SPARCL1: variants seen among roughly 807,000 people sequenced by gnomAD.
SPARCL1 encodes SPARC like 1.
SPARCL1 carries 52 observed loss-of-function variants against 67.1 expected under a neutral mutation model. The ratio of observed to expected loss-of-function variants is 0.78; its 90% CI spans 0.62 to 0.98. SPARCL1 has a LOEUF of 0.98. Among genes scored for constraint, SPARCL1 ranks in the 50% least tolerant of loss-of-function variants. The probability of loss-of-function intolerance (pLI) is 0.00; values close to 1 mark genes in which losing one functional copy is unlikely to be tolerated. For missense variants in SPARCL1, 717 were observed against 782.4 expected (o/e 0.92, Z 1.00); for synonymous variants, 226 against 267.8 (o/e 0.84, Z 1.52).
rs376202999 is a variant in SPARCL1, at chr4:87,480,518, G to A, written c.1671C>T (p.Val557=). Residue 557 remains valine, a splice_region_variant and synonymous_variant, in exon 9 of 11, where the codon GTC becomes GTT. Transcript: ENST00000282470. ...GYLNEKQRNK[V]KKIYLDEKRL... ...TCTTTTCATCCAGGTAAATTTTCTT[G>A]ACCTGGGATTAGGAAGGCAGAAGAC... The A allele has an allele frequency of 1.9e-6, 3 of 1,606,378 alleles. No individual in the cohort carries two copies. The highest frequency in any genetic ancestry group is 1.7e-5 in the Admixed American group (1 of 58,716).
chr4:87,491,835 T>C (rs1364774143), intron 4 of SPARCL1, 145 bp from the exon 5 acceptor site: 14 of 650,448 alleles, frequency 2.2e-5, no homozygotes, highest in Non-Finnish European at 3.5e-5. Context: ...CTGGGTGTGG[T>C]GGCTCACATG....
At chr4:87,482,333 A>G in intron 8 of SPARCL1, 91 bp downstream of exon 8, 1 of 1,392,346 alleles carries the variant, frequency 7.2e-7, no homozygotes, top group Non-Finnish European at 9.9e-7. Context: ...GGCTTTTGCC[A>G]GTATGCAGAG....
At position 87,490,848 on chromosome 4, in the gene SPARCL1, C is replaced by T; in HGVS notation, c.1322G>A (p.Gly441Asp). 6 of 1,609,052 alleles carry T rather than the reference C, an allele frequency of 3.7e-6. No homozygotes were observed. The South Asian group carries it at 5.6e-5, about 15-fold the overall frequency. ...CTGTTGGTCTGCCTTACAGATGTGGCCTCTTTTACACTGGAAGCTCATGCA... is the reference window on the plus strand; with the variant it reads ...CTGTTGGTCTGCCTTACAGATGTGGTCTCTTTTACACTGGAAGCTCATGCA... ...DSCMSFQCKR[G>D]HICKADQQGK... Residue 441 changes from glycine (G) to aspartate (D), a missense_variant, in exon 6 of 11, where the codon GGC (glycine) becomes GAC (aspartate). Coordinates refer to ENST00000282470, the MANE Select transcript of SPARCL1 (RefSeq NM_004684.6).
At position 87,494,425 on chromosome 4, in the gene SPARCL1, A is replaced by G; in HGVS notation, c.375T>C (p.Asp125=). 1 of 1,614,110 alleles carries G rather than the reference A, an allele frequency of 6.2e-7. No homozygotes were observed. The highest frequency in any genetic ancestry group is 8.5e-7 in the Non-Finnish European group (1 of 1,180,026). ...PTEGTLDIKE[D]MSEPQEKKLS... is the part of the protein sequence containing the mutation. ...GTTTTTTCTCCTGAGGCTCACTCAT[A>G]TCTTCTTTTATGTCCAATGTACCTT... Residue 125 remains aspartate (D), a synonymous_variant, in exon 4 of 11, where the codon GAT becomes GAC. Coordinates refer to ENST00000282470, the MANE Select transcript of SPARCL1 (RefSeq NM_004684.6).
chr4:87,486,888 C>CTTTTTTTTT lies in SPARCL1; in HGVS notation c.1531+3376_1531+3384dup, dbSNP rs57597004. ...TCTGAGGCTAGTATTGCAATTCCTG[C>CTTTTTTTTT]TTTTTTTTTTTTTTTTTTTTTTTTT... On this transcript the variant is annotated intron_variant, in intron 7 of 10. Transcript: ENST00000282470. Among the ~76,000 whole-genome samples, 8 of 27,996 alleles carry CTTTTTTTTT rather than the reference C, an allele frequency of 2.9e-4. 1 individual carries two copies. Among genetic ancestry groups the CTTTTTTTTT allele is most frequent in the Non-Finnish European group, 4.9e-4 (7 of 14,150 alleles). The allele number at this position is 27,996 out of a possible 152,430, so 18.4% of individuals were successfully genotyped here. A position where few individuals can be genotyped will look rare whatever the true frequency, so the allele number is the denominator to read the frequency against.
chr4:87,482,324 G>C, intron 8 of SPARCL1, 100 bp downstream of exon 8: 1 of 1,276,862 alleles, frequency 7.8e-7, no homozygotes, highest in South Asian at 1.3e-5. Flanking sequence ...AGCATAGTGG[G>C]CTTTTGCCAG....
chr4:87,477,873 C>A (rs1486105058), intron 10 of SPARCL1, among the ~76,000 whole-genome samples: 1 of 152,188 alleles, frequency 6.6e-6, no homozygotes, highest in African/African-American at 2.4e-5. Flanking sequence ...GCATAGACAA[C>A]TAATACACAG....
intron 7 of SPARCL1, among the ~76,000 whole-genome samples, chr4:87,486,931 C>G (rs1376729243): frequency 2.1e-5 from 1 of 47,724 alleles, no homozygotes; most frequent in Non-Finnish European, 3.8e-5. Context: ...TTTTTTTTTG[C>G]TTTCCAATTC....
At chr4:87,510,792 CCCT>C (rs1725316392) in intron 1 of SPARCL1, among the ~76,000 whole-genome samples, 1 of 152,248 alleles carries the variant, frequency 6.6e-6, no homozygotes, top group Non-Finnish European at 1.5e-5. Context: ...AAGGCAGTTG[CCCT>C]ACGTGATGAG....
chr4:87,490,449 ACT>A, intron 6 of SPARCL1, 56 bp from the exon 7 acceptor site: 3 of 1,560,336 alleles, frequency 1.9e-6, no homozygotes, highest in Non-Finnish European at 2.6e-6. Flanking sequence ...ACTGGAAGAC[ACT>A]CTGCTCCTTA....
At chr4:87,480,648 C>T in intron 8 of SPARCL1, 128 bp from the exon 9 acceptor site, 1 of 772,854 alleles carries the variant, frequency 1.3e-6, no homozygotes, top group East Asian at 2.7e-5. Context: ...ACATCATGTG[C>T]AACTAAATGA....
intron 1 of SPARCL1, chr4:87,528,700 T>C (rs1372058017): frequency 1.3e-5 from 2 of 152,202 alleles, no homozygotes; most frequent in Non-Finnish European, 2.9e-5. Context: ...GTTTATTTCA[T>C]ATATGTAATA....
At chr4:87,498,587 C>G (rs1724717951) in intron 2 of SPARCL1, among the ~76,000 whole-genome samples, 1 of 152,168 alleles carries the variant, frequency 6.6e-6, no homozygotes, top group African/African-American at 2.4e-5. Context: ...TGTTTTGAGG[C>G]CACTGACACG....
chr4:87,525,796 C>G (rs1000894147), intron 1 of SPARCL1, among the ~76,000 whole-genome samples: 2 of 152,118 alleles, frequency 1.3e-5, no homozygotes, highest in African/African-American at 4.8e-5. Flanking sequence ...AGAGTTATTT[C>G]CCAGAGCAGG....
At chr4:87,486,888 C>CGTTTTTTTTTTTTTTTTTTTT (rs1724083814) in intron 7 of SPARCL1, among the ~76,000 whole-genome samples, 1 of 27,968 alleles carries the variant, frequency 3.6e-5, no homozygotes, top group African/African-American at 1.3e-4. Context: ...GCAATTCCTG[C>CGTTTTTTTTTTTTTTTTTTTT]TTTTTTTTTT....
rs146144228 is a variant in SPARCL1 at position 87,494,285 on chromosome 4, T to C, written c.515A>G (p.His172Arg). 2.1e-4 allele frequency: 347 copies of C among 1,614,002 alleles called. No individual in the cohort carries two copies. Among genetic ancestry groups the C allele is most frequent in the Admixed American group, 3.3e-5 (2 of 59,982 alleles). Residue 172 changes from histidine (H) to arginine (R), a missense_variant, in exon 4 of 11, where the codon CAT becomes CGT. Coordinates refer to ENST00000282470, the MANE Select transcript of SPARCL1 (RefSeq NM_004684.6). ...TTTACTGCTCCTGTTCAACTGATGA[T>C]GTGAATAATTTCTAGGTTGTTCTTG... ...ENQEQPRNYS[H>R]HQLNRSSKHS... is the part of the protein sequence containing the mutation.
At chr4:87,497,409 C>T (rs577930124) in intron 2 of SPARCL1, among the ~76,000 whole-genome samples, 1 of 152,294 alleles carries the variant, frequency 6.6e-6, no homozygotes, top group South Asian at 2.1e-4. Flanking sequence ...TCTCTCTCCC[C>T]CTCCATCCGC....
intron 1 of SPARCL1, among the ~76,000 whole-genome samples, chr4:87,514,187 CA>C (rs1315031937): frequency 2.0e-5 from 3 of 150,914 alleles, no homozygotes; most frequent in Non-Finnish European, 3.0e-5. Flanking sequence ...GACTCCATCT[CA>C]AAAAAAAGAA....
intron 1 of SPARCL1, among the ~76,000 whole-genome samples, chr4:87,505,884 A>G (rs1057312966): frequency 6.6e-5 from 10 of 152,020 alleles, no homozygotes; most frequent in African/African-American, 2.4e-4. Flanking sequence ...GTATGTTATT[A>G]CTATTCTACT....
Sources: allele counts gnomAD v4.1 joint callset (sites outside exome capture counted in the v4.1 genomes callset), GRCh38; gene constraint gnomAD v4.1.1; transcripts MANE v1.5; gene names NCBI Gene and HGNC (gene_info 2026-07-23, HGNC 2026-07-21).